TAB2: variants seen among roughly 807,000 people sequenced by gnomAD.
The protein encoded by TAB2 is TGF-beta activated kinase 1 (MAP3K7) binding protein 2.
A neutral mutation model predicts 65.0 loss-of-function variants in TAB2; 3 were observed. That is an observed-to-expected ratio of 0.05 (90% CI 0.02 to 0.12). TAB2 has a LOEUF of 0.12. Ranked by LOEUF, TAB2 falls within the 10% of genes least tolerant of loss-of-function variation. TAB2 has a pLI of 1.00. For synonymous variants in TAB2, 298 were observed against 285.1 expected, an observed-to-expected ratio of 1.05 and a Z score of -0.46; for missense variants, 623 against 840.3, an observed-to-expected ratio of 0.74 and a Z score of 3.20.
chr6:149,368,496 T>C (rs987027813), intron 1 of TAB2, among the ~76,000 whole-genome samples: 1 of 152,026 alleles, frequency 6.6e-6, no homozygotes, highest in Non-Finnish European at 1.5e-5. Context: ...AATGAGCTGA[T>C]AGAGAGGAGT....
At chr6:149,374,392 C>G (rs916254390) in intron 2 of TAB2, among the ~76,000 whole-genome samples, 1 of 152,018 alleles carries the variant, frequency 6.6e-6, no homozygotes, top group Non-Finnish European at 1.5e-5. Flanking sequence ...TAATTAAAAA[C>G]AAGATTTTTT....
rs1554262511 is a variant in TAB2, at chr6:149,368,679, G to GT, written c.-89-1227dup. Among the ~76,000 whole-genome samples the GT allele has an allele frequency of 4.4e-3, 659 of 149,186 alleles. 4 individuals are homozygous for GT. The highest frequency in any genetic ancestry group is 4.9e-3 in the Non-Finnish European group (329 of 67,160). Reference sequence around the variant, plus strand: ...TGTGTGTGTGTGTGTGTGTGTGTGTGTTTACACAGAAATACTTTTGGAAAA... The same window carrying GT: ...TGTGTGTGTGTGTGTGTGTGTGTGTGTTTTACACAGAAATACTTTTGGAAAA... On this transcript the variant is annotated intron_variant, in intron 1 of 6. Transcript: ENST00000637181.
intron 6 of TAB2, chr6:149,400,687 A>G: frequency 1.2e-6 from 2 of 1,612,640 alleles, no homozygotes. Flanking sequence ...TGAAAAGGGA[A>G]CCTGCTTCTT....
intron 3 of TAB2, among the ~76,000 whole-genome samples, chr6:149,383,430 C>T (rs1781684704): frequency 6.6e-6 from 1 of 152,194 alleles, no homozygotes; most frequent in Admixed American, 6.5e-5. Flanking sequence ...TACCTACATA[C>T]ATACAGAATT....
At chr6:149,401,197 T>TAA in intron 6 of TAB2, 1 of 160,580 alleles carries the variant, frequency 6.2e-6, no homozygotes. Flanking sequence ...TAAATTACTC[T>TAA]AAAAAAAAAA....
chr6:149,262,954 C>G (rs889605652), intron 1 of TAB2, among the ~76,000 whole-genome samples: 2 of 152,108 alleles, frequency 1.3e-5, no homozygotes, highest in African/African-American at 4.8e-5. Flanking sequence ...TGGGCACACA[C>G]CATTGTGCCC....
At chr6:149,243,423 C>T (rs1777639274) in intron 1 of TAB2, 2 of 152,206 alleles carry the variant, frequency 1.3e-5, no homozygotes, top group Non-Finnish European at 2.9e-5. Flanking sequence ...AGTCAGAAGT[C>T]TTGATGAATG....
At chr6:149,322,434 A>G (rs948799774) in intron 1 of TAB2, among the ~76,000 whole-genome samples, 2 of 152,110 alleles carry the variant, frequency 1.3e-5, no homozygotes, top group African/African-American at 2.4e-5. Flanking sequence ...ACACAATTGT[A>G]TTTATACTTC....
intron 1 of TAB2, among the ~76,000 whole-genome samples, chr6:149,364,566 T>A (rs1291091523): frequency 3.3e-5 from 5 of 151,866 alleles, no homozygotes; most frequent in Non-Finnish European, 7.4e-5. Flanking sequence ...TAGCAATTTC[T>A]GTGATCTGCA....
chr6:149,300,216 A>ATACATTGT (rs1004789261), intron 1 of TAB2, among the ~76,000 whole-genome samples: 4 of 152,198 alleles, frequency 2.6e-5, no homozygotes, highest in African/African-American at 9.7e-5. Context: ...TAAAATATCT[A>ATACATTGT]TACATTGTTA....
chr6:149,266,465 T>G (rs1562393750), intron 1 of TAB2, among the ~76,000 whole-genome samples: 1 of 152,206 alleles, frequency 6.6e-6, no homozygotes, highest in Non-Finnish European at 1.5e-5. Flanking sequence ...TCGTGCTCAC[T>G]GAGGGGCCCT....
At chr6:149,347,658 A>G (rs1409424762) in intron 1 of TAB2, among the ~76,000 whole-genome samples, 1 of 152,100 alleles carries the variant, frequency 6.6e-6, no homozygotes, top group Non-Finnish European at 1.5e-5. Context: ...AGTTTAAGTA[A>G]AGTTTGCTTT....
chr6:149,229,659 C>T (rs13205534), intron 1 of TAB2, among the ~76,000 whole-genome samples: 131 of 152,150 alleles, frequency 8.6e-4, no homozygotes, highest in Non-Finnish European at 1.3e-3. Flanking sequence ...CCAGCAGGGC[C>T]GGGATCTGGG....
At chr6:149,284,341 A>C (rs1778630595) in intron 1 of TAB2, among the ~76,000 whole-genome samples, 1 of 152,160 alleles carries the variant, frequency 6.6e-6, no homozygotes, top group African/African-American at 2.4e-5. Flanking sequence ...ACCATCCCAG[A>C]CTTTCCCCAA....
chr6:149,357,696 A>G (rs952457997), intron 1 of TAB2, among the ~76,000 whole-genome samples: 1 of 151,528 alleles, frequency 6.6e-6, no homozygotes, highest in East Asian at 1.9e-4. Context: ...TTTCTTATGT[A>G]TCTTTTTTTT....
chr6:149,274,254 G>A (rs759549697), intron 1 of TAB2, among the ~76,000 whole-genome samples: 38 of 152,306 alleles, frequency 2.5e-4, no homozygotes, highest in Non-Finnish European at 4.4e-4. Context: ...CAACTGACCC[G>A]GTTAAGGGAT....
Position 149,378,512 on chromosome 6 carries a change from T to G in TAB2, c.597T>G (p.Gly199=), listed in dbSNP as rs115168915. 8.8e-5 allele frequency: 142 copies of G among 1,614,168 alleles called. No individual in the cohort carries two copies. The African/African-American group carries it at 1.5e-3, about 17-fold the overall frequency. The change falls in exon 3 of 7, where the codon GGT becomes GGG. Residue 199 remains glycine, a synonymous_variant. Transcript: ENST00000637181. The part of the protein sequence containing the change: ...RNTPTSLHIH[G]VPPPVLNSPQ... ...CTCCTACATCTTTGCACATACATGG[T>G]GTACCTCCACCTGTACTTAACAGTC...
intron 1 of TAB2, among the ~76,000 whole-genome samples, chr6:149,264,324 T>G (rs1040412417): frequency 6.6e-6 from 1 of 152,136 alleles, no homozygotes; most frequent in African/African-American, 2.4e-5. Context: ...CAAGACCAAG[T>G]CAAATGAGAG....
chr6:149,266,264 G>A (rs1448821153), intron 1 of TAB2, among the ~76,000 whole-genome samples: 1 of 152,194 alleles, frequency 6.6e-6, no homozygotes, highest in Non-Finnish European at 1.5e-5. Context: ...GCAGTCACAG[G>A]TTGTCCGTGT....
Sources: gnomAD v4.1 joint callset for allele counts (sites outside exome capture counted in the v4.1 genomes callset) on GRCh38, gnomAD v4.1.1 for gene constraint, MANE v1.5 for transcripts, NCBI Gene and HGNC (gene_info 2026-07-23, HGNC 2026-07-21) for gene names.